The following SPEN variants were observed in gnomAD, a reference collection of about 807,000 sequenced individuals.
The protein encoded by SPEN is msx2-interacting protein.
In SPEN, 18 loss-of-function variants were observed where a neutral mutation model predicts 269.9. That is an observed-to-expected ratio of 0.07 (90% CI 0.05 to 0.10). The LOEUF (loss-of-function observed/expected upper bound fraction) is 0.10. SPEN is among the 10% of genes least tolerant of loss of function. SPEN has a pLI of 1.00. For synonymous variants in SPEN, 1,726 were observed against 1,765.7 expected, an observed-to-expected ratio of 0.98 and a Z score of 0.56; for missense variants, 3,822 against 4,631.2, an observed-to-expected ratio of 0.83 and a Z score of 5.07.
intron 3 of SPEN, among the ~76,000 whole-genome samples, chr1:15,907,501 A>C (rs940955224): frequency 1.3e-5 from 2 of 152,136 alleles, no homozygotes; most frequent in Non-Finnish European, 2.9e-5. Context: ...GTCTGTAGCA[A>C]ATTTTTTTCA....
intron 3 of SPEN, among the ~76,000 whole-genome samples, chr1:15,890,001 C>A (rs1177995948): frequency 6.6e-6 from 1 of 152,174 alleles, no homozygotes; most frequent in Admixed American, 6.6e-5. Context: ...AGGCATGAGC[C>A]ACCGCACCCG....
Position 15,922,317 on chromosome 1 carries a change from C to G in SPEN, c.1818C>G (p.Ile606Met). 1 of 1,607,276 alleles carries G rather than the reference C, an allele frequency of 6.2e-7. No individual in the cohort carries two copies. ...YHCMEKSGQD[I>M]RDFYEMLAER... ...GCATGGAGAAATCTGGTCAAGACAT[C>G]AGAGACTTTTATGAAATGTTAGCCG... The change falls in exon 10 of 15, where the codon ATC becomes ATG. Residue 606 changes from isoleucine (I) to methionine (M), a missense_variant. Ile to Met is a conservative substitution (Grantham distance 10). Transcript: ENST00000375759.
Position 15,928,490 on chromosome 1 carries a change from T to C in SPEN, c.2250T>C (p.Asp750=), listed in dbSNP as rs751705069. 2.5e-6 allele frequency: 4 copies of C among 1,614,118 alleles called. No homozygotes were observed. The East Asian group carries it at 8.9e-5, about 36-fold the overall frequency. ...CTCAGGCAGAGAGGTTGCCGAGTGATTCTGAGAGGAGGCTTTACAGCCGAT... is the reference window on the plus strand; with the variant it reads ...CTCAGGCAGAGAGGTTGCCGAGTGACTCTGAGAGGAGGCTTTACAGCCGAT... ...SPSQAERLPS[D]SERRLYSRSS... The change falls in exon 11 of 15, where the codon GAT becomes GAC. Residue 750 remains aspartate (D), a synonymous_variant. Coordinates refer to ENST00000375759, the MANE Select transcript of SPEN (RefSeq NM_015001.3). The surrounding 1 kb of genome is among the most constrained non-coding windows in gnomAD (Gnocchi z 5.7).
At position 15,901,348 on chromosome 1, in the gene SPEN, TA is replaced by T. The variant is rs898683453; in HGVS notation, c.882-7963del. Among the ~76,000 whole-genome samples, 18 of 144,360 alleles carry T rather than the reference TA, an allele frequency of 1.2e-4. No homozygotes were observed. In the East Asian group the frequency reaches 1.6e-3, roughly 13 times the overall value. 94.7% of individuals were successfully genotyped at this position (144,360 alleles called of 152,430 possible). On this transcript the variant is annotated intron_variant, in intron 3 of 14. Transcript: ENST00000375759. ...AAAATAAAAAAATAAAAAATAAAAA[TA>T]AAAAAAAAATAGGCTGGGCGTGGTG...
chr1:15,867,853 A>G (rs2070530504), intron 1 of SPEN, among the ~76,000 whole-genome samples: 1 of 151,634 alleles, frequency 6.6e-6, no homozygotes, highest in South Asian at 2.1e-4. Flanking sequence ...CTCTCTCTGT[A>G]TCCGTATATG....
intron 6 of SPEN, among the ~76,000 whole-genome samples, chr1:15,918,383 T>C (rs566740833): frequency 6.6e-6 from 1 of 152,244 alleles, no homozygotes. Flanking sequence ...CATGCCTGGC[T>C]AATTTTTGTA....
intron 1 of SPEN, among the ~76,000 whole-genome samples, chr1:15,857,876 TC>T (rs1295902006): frequency 6.6e-6 from 1 of 151,460 alleles, no homozygotes; most frequent in Non-Finnish European, 1.5e-5. Flanking sequence ...ACACCTGTAA[TC>T]CCAGCACTTT....
rs114168887 is a variant in SPEN, at chr1:15,858,572, A to G, written c.83+10422A>G. Among the ~76,000 whole-genome samples the G allele has an allele frequency of 9.1e-3, 1,387 of 152,354 alleles. 25 individuals carry two copies. Among genetic ancestry groups the G allele is most frequent in the African/African-American group, 0.032 (1,326 of 41,586 alleles). On this transcript the variant is annotated intron_variant, in intron 1 of 14. Coordinates refer to ENST00000375759, the MANE Select transcript of SPEN (RefSeq NM_015001.3). ...TTTTCACAATGATGAAATCACGTAA[A>G]GATGCATTTCTCAGAATGTATCCCT...
At chr1:15,868,726 G>A (rs1418414829) in intron 1 of SPEN, among the ~76,000 whole-genome samples, 5 of 152,326 alleles carry the variant, frequency 3.3e-5, no homozygotes, top group Admixed American at 2.0e-4. Flanking sequence ...GAGCCACCGT[G>A]CCCAGCCAGA....
chr1:15,938,912 C>A, intron 14 of SPEN, 36 bp downstream of exon 14: 1 of 1,602,788 alleles, frequency 6.2e-7, no homozygotes, highest in Non-Finnish European at 8.5e-7. Context: ...ACATGTACAC[C>A]CACAGGTGGG....
chr1:15,848,164 G>A lies in SPEN; in HGVS notation c.83+14G>A. On this transcript the variant is annotated intron_variant, in intron 1 of 14. Transcript: ENST00000375759. This position sits in a 1 kb window ranked among gnomAD's most constrained non-coding sequence, Gnocchi z 5.1. ...GCATTTCAAACGGTGAGTGACACGA[G>A]GCCCGCGGCCGCGCTCGCTCCTCGG... 6.9e-7 allele frequency: 1 copy of A among 1,448,368 alleles called. No homozygotes were observed. The highest frequency in any genetic ancestry group is 9.2e-7 in the Non-Finnish European group (1 of 1,085,942). 89.7% of individuals were successfully genotyped at this position (1,448,368 alleles called of 1,614,324 possible).
rs2070288265 is a variant in SPEN, at chr1:15,847,890, C to T, written c.-178C>T. On this transcript the variant is annotated 5_prime_UTR_variant, in exon 1 of 15. Transcript: ENST00000375759. ...GAGCTGCGAGGCCCGAGAGTCAGAA[C>T]CTGGGGGAGAGGGATGGTCTCTGCA... 2 of 295,758 alleles carry T rather than the reference C, an allele frequency of 6.8e-6. No individual in the cohort carries two copies. Among genetic ancestry groups the T allele is most frequent in the African/African-American group, 4.4e-5 (2 of 45,416 alleles). The allele number at this position is 295,758 out of a possible 1,614,324, so 18.3% of individuals were successfully genotyped here.
At chr1:15,898,102 A>C (rs946109245) in intron 3 of SPEN, among the ~76,000 whole-genome samples, 4 of 151,852 alleles carry the variant, frequency 2.6e-5, no homozygotes, top group African/African-American at 9.7e-5. Context: ...ACTGGTTTGG[A>C]ATCGCTTATC....
At position 15,918,935 on chromosome 1, in the gene SPEN, A is replaced by G; in HGVS notation, c.1405A>G (p.Ile469Val). The part of the protein sequence containing the change: ...QRFGEIVDID[I>V]KKVNGVPQYA... ...TCATTGGTTTTTTCAGGATATTGAC[A>G]TTAAGAAAGTAAATGGAGTTCCTCA... Residue 469 changes from isoleucine to valine, a missense_variant, in exon 7 of 15, where the codon ATT (isoleucine) becomes GTT (valine). Around this residue, in one of 16 missense-constraint regions of SPEN, gnomAD observed 230 missense variants for 426.1 expected, o/e 0.54. Coordinates refer to ENST00000375759, the MANE Select transcript of SPEN (RefSeq NM_015001.3). The G allele has an allele frequency of 6.2e-7, 1 of 1,607,662 alleles. No homozygotes were observed. The highest frequency in any genetic ancestry group is 8.5e-7 in the Non-Finnish European group (1 of 1,178,168).
intron 3 of SPEN, among the ~76,000 whole-genome samples, chr1:15,878,992 G>GCA (rs2070659836): frequency 9.8e-6 from 1 of 102,008 alleles, no homozygotes. Context: ...GACAGATGAT[G>GCA]AGACTCTGTC....
rs940496425 is a variant in SPEN, at chr1:15,920,876, T to G, written c.1642T>G (p.Phe548Val). ...TTGTTTGTTTGTTTTACAGGTGGTGTTTGACCGCTTAAAAGGCATGGCCCT... is the reference window on the plus strand; with the variant it reads ...TTGTTTGTTTGTTTTACAGGTGGTGGTTGACCGCTTAAAAGGCATGGCCCT... ...CRYGPVVKVVFDRLKGMALVL... is the reference protein window; with the variant it reads ...CRYGPVVKVVVDRLKGMALVL... Residue 548 changes from phenylalanine (F) to valine (V), a missense_variant, in exon 9 of 15, where the codon TTT becomes GTT. Coordinates refer to ENST00000375759, the MANE Select transcript of SPEN (RefSeq NM_015001.3). The G allele has an allele frequency of 1.1e-5, 17 of 1,602,206 alleles. No individual in the cohort carries two copies. Among genetic ancestry groups the G allele is most frequent in the African/African-American group, 8.1e-5 (6 of 74,354 alleles).
rs749344139 is a variant in SPEN at position 15,934,907 on chromosome 1, C to T, written c.8667C>T (p.Thr2889=). Residue 2889 remains threonine (T), a synonymous_variant, in exon 11 of 15, where the codon ACC becomes ACT. Coordinates refer to ENST00000375759, the MANE Select transcript of SPEN (RefSeq NM_015001.3). The surrounding 1 kb of genome is among the most constrained non-coding windows in gnomAD (Gnocchi z 9.2). ...NVATHSTLVL[T]AQTYNASPVI... is the part of the protein sequence containing the mutation. ...CCACCCATTCCACGTTGGTACTGAC[C>T]GCCCAGACATATAATGCCTCTCCTG... 8.1e-6 allele frequency: 13 copies of T among 1,614,078 alleles called. No individual in the cohort carries two copies. The highest frequency in any genetic ancestry group is 6.7e-5 in the African/African-American group (5 of 74,998).
Position 15,932,216 on chromosome 1 carries a change from T to G in SPEN, c.5976T>G (p.Gly1992=), listed in dbSNP as rs772976607. The G allele has an allele frequency of 2.5e-5, 41 of 1,612,468 alleles. No homozygotes were observed. The African/African-American group carries it at 5.0e-4, about 19-fold the overall frequency. Residue 1992 remains glycine, a synonymous_variant, in exon 11 of 15, where the codon GGT becomes GGG. Transcript: ENST00000375759. The surrounding 1 kb of genome is among the most constrained non-coding windows in gnomAD (Gnocchi z 4.2). ...CAAGGTCCCAGAAAACTGCAGCTGG[T>G]GGTGGACCCCAAGGGAAAAAGGGAA... ...RSPRSQKTAA[G]GGPQGKKGKN...
Position 15,929,598 on chromosome 1 carries a change from G to T in SPEN, c.3358G>T (p.Asp1120Tyr). 6.2e-7 allele frequency: 1 copy of T among 1,614,096 alleles called. No homozygotes were observed. The highest frequency in any genetic ancestry group is 8.5e-7 in the Non-Finnish European group (1 of 1,179,994). ...KPQLKQLQVL[D>Y]DQGPEREDVR... Reference sequence around the variant, plus strand: ...ACAGCTCAAACAGCTGCAGGTATTAGATGATCAAGGACCAGAGAGAGAAGA... The same window carrying T: ...ACAGCTCAAACAGCTGCAGGTATTATATGATCAAGGACCAGAGAGAGAAGA... The change falls in exon 11 of 15, where the codon GAT becomes TAT. Residue 1120 changes from aspartate (D) to tyrosine (Y), a missense_variant. Around this residue, in one of 16 missense-constraint regions of SPEN, gnomAD observed 572 missense variants for 582.6 expected, o/e 0.98. Transcript: ENST00000375759. The surrounding 1 kb of genome is among the most constrained non-coding windows in gnomAD (Gnocchi z 5.8).
Sources: gnomAD v4.1 joint callset for allele counts (sites outside exome capture counted in the v4.1 genomes callset) on GRCh38, gnomAD v4.1.1 for gene constraint, gnomAD v4.1.1 regional missense constraint, Gnocchi (gnomAD v3.1) non-coding constraint, MANE v1.5 for transcripts, NCBI Gene and HGNC (gene_info 2026-07-23, HGNC 2026-07-21) for gene names.